ZNF107: variants seen among roughly 807,000 people sequenced by gnomAD.
The protein encoded by ZNF107 is zinc finger protein 107, also known as C2H2 type zinc-finger protein.
ZNF107 carries 19 observed loss-of-function variants against 12.3 expected under a neutral mutation model. That is an observed-to-expected ratio of 1.55 (90% CI 1.08 to 2.27). The LOEUF is 2.27. Ranked by LOEUF, ZNF107 falls within the 30% of genes most tolerant of loss-of-function variation. The probability of loss-of-function intolerance (pLI) is 0.00; values close to 1 mark genes in which losing one functional copy is unlikely to be tolerated. For synonymous variants in ZNF107, 317 were observed against 330.5 expected (o/e 0.96, Z 0.44); for missense variants, 958 against 979.9 (o/e 0.98, Z 0.30).
rs961303762 is a variant in ZNF107 at position 64,706,781 on chromosome 7, C to G, written c.684C>G (p.Pro228=). The G allele has an allele frequency of 1.4e-5, 23 of 1,613,374 alleles. No individual in the cohort carries two copies. Among genetic ancestry groups the G allele is most frequent in the Non-Finnish European group, 1.9e-5 (23 of 1,179,768 alleles). Residue 228 remains proline (P), a synonymous_variant, in exon 4 of 4, where the codon CCC becomes CCG. Transcript: ENST00000620827. ...KHKRIHTGEK[P]YKCEECGKAF... ...AGAGAATTCATACTGGAGAAAAGCC[C>G]TACAAATGTGAAGAATGTGGCAAAG...
intron 1 of ZNF107, among the ~76,000 whole-genome samples, chr7:64,681,837 G>T (rs114934577): frequency 0.011 from 1,614 of 152,056 alleles, 33 homozygotes; most frequent in African/African-American, 0.037. Flanking sequence ...CCATTCTATA[G>T]TGCCAAACCC....
intron 1 of ZNF107, among the ~76,000 whole-genome samples, chr7:64,685,040 G>A (rs1230102458): frequency 6.6e-6 from 1 of 152,072 alleles, no homozygotes; most frequent in African/African-American, 2.4e-5. Flanking sequence ...GAAGGAAAAA[G>A]CCCCTTCTAA....
chr7:64,704,595 T>C (rs1175406461), intron 3 of ZNF107, among the ~76,000 whole-genome samples: 4 of 152,206 alleles, frequency 2.6e-5, no homozygotes, highest in Non-Finnish European at 5.9e-5. Flanking sequence ...CATCATGTTA[T>C]TTTCAGTGGA....
At chr7:64,671,726 C>T (rs549841096) in intron 1 of ZNF107, among the ~76,000 whole-genome samples, 4 of 151,070 alleles carry the variant, frequency 2.6e-5, no homozygotes. Context: ...ATTATTTTAT[C>T]GCTGAGATAC....
chr7:64,677,745 G>C (rs1014740640), intron 1 of ZNF107, among the ~76,000 whole-genome samples: 1 of 150,818 alleles, frequency 6.6e-6, no homozygotes, highest in Admixed American at 6.6e-5. Context: ...CCAGCTACTT[G>C]GGAGGCTGAG....
intron 3 of ZNF107, among the ~76,000 whole-genome samples, chr7:64,694,653 C>T (rs1351906708): frequency 6.6e-6 from 1 of 152,070 alleles, no homozygotes; most frequent in Non-Finnish European, 1.5e-5. Flanking sequence ...AGGTGTGATA[C>T]ATGATGCCTG....
chr7:64,679,071 T>A, intron 1 of ZNF107: 1 of 186,218 alleles, frequency 5.4e-6, no homozygotes, highest in Non-Finnish European at 1.0e-5. Flanking sequence ...TGGTGTAGTC[T>A]GGATTGAAGA....
chr7:64,668,829 C>G (rs1298553073), intron 1 of ZNF107, among the ~76,000 whole-genome samples: 1 of 151,822 alleles, frequency 6.6e-6, no homozygotes, highest in Non-Finnish European at 1.5e-5. Flanking sequence ...AACCTCTCTT[C>G]CATTTTGACT....
At chr7:64,687,293 T>C (rs770646427) in intron 1 of ZNF107, 24 of 985,432 alleles carry the variant, frequency 2.4e-5, no homozygotes, top group Non-Finnish European at 2.9e-5. Flanking sequence ...GTGATTTCCA[T>C]GTCACCATTA....
Position 64,709,462 on chromosome 7 carries a change from G to T in ZNF107, c.*806G>T. The T allele has an allele frequency of 5.8e-6, 2 of 345,364 alleles. No individual in the cohort carries two copies. The highest frequency in any genetic ancestry group is 2.3e-5 in the South Asian group (1 of 44,250). 21.4% of individuals were successfully genotyped at this position (345,364 alleles called of 1,614,324 possible). On this transcript the variant is annotated 3_prime_UTR_variant, in exon 4 of 4. Transcript: ENST00000620827. ...ATAATACTGAAAACTTTACAAACCT[G>T]AATGATGTGACAATAATTTTGACAA...
intron 3 of ZNF107, among the ~76,000 whole-genome samples, chr7:64,705,503 G>A (rs1050721410): frequency 2.0e-5 from 3 of 151,540 alleles, no homozygotes; most frequent in African/African-American, 7.3e-5. Context: ...AATTTTTGTG[G>A]GGCTGTATTG....
intron 1 of ZNF107, chr7:64,690,634 C>A: frequency 1.4e-6 from 1 of 700,106 alleles, no homozygotes; most frequent in Non-Finnish European, 1.8e-6. Flanking sequence ...AGTAGTTTCC[C>A]ACAAGTCACA....
intron 1 of ZNF107, among the ~76,000 whole-genome samples, chr7:64,674,124 GTT>G (rs72574121): frequency 4.1e-5 from 6 of 147,082 alleles, no homozygotes; most frequent in Non-Finnish European, 6.0e-5. Context: ...TAAAATAGGT[GTT>G]TTTTTTTTTT....
In ZNF107 at chr7:64,707,588, T is replaced by A. The variant is rs1001796830; in HGVS notation, c.1491T>A (p.Thr497=). 2.5e-6 allele frequency: 4 copies of A among 1,612,888 alleles called. No homozygotes were observed. The African/African-American group carries it at 5.3e-5, about 22-fold the overall frequency. Residue 497 remains threonine (T), a synonymous_variant, in exon 4 of 4, where the codon ACT becomes ACA. Transcript: ENST00000620827. The part of the protein sequence containing the change: ...GKAFNRSSTL[T]RHKKIHTGEK... ...CTTTTAATCGATCCTCAACCCTTAC[T>A]AGACATAAGAAAATTCATACTGGAG...
chr7:64,667,435 TC>T (rs775675995), intron 1 of ZNF107, among the ~76,000 whole-genome samples: 1 of 149,740 alleles, frequency 6.7e-6, no homozygotes, highest in Non-Finnish European at 1.5e-5. Context: ...TAAAAAAAAG[TC>T]TGTGCCTATT....
intron 3 of ZNF107, among the ~76,000 whole-genome samples, chr7:64,701,354 C>T (rs889516141): frequency 2.0e-5 from 3 of 151,968 alleles, no homozygotes; most frequent in African/African-American, 7.3e-5. Context: ...CCCCTGCCTC[C>T]CAGGTTCACG....
At chr7:64,685,847 G>A (rs867847902) in intron 1 of ZNF107, among the ~76,000 whole-genome samples, 3 of 152,064 alleles carry the variant, frequency 2.0e-5, no homozygotes, top group African/African-American at 4.8e-5. Context: ...ATTGCCCCTG[G>A]AAACCAAACC....
rs2128969115 is a variant in ZNF107 at position 64,707,512 on chromosome 7, G to A, written c.1415G>A (p.Arg472Lys). 1 of 1,606,666 alleles carries A rather than the reference G, an allele frequency of 6.2e-7. No homozygotes were observed. The highest frequency in any genetic ancestry group is 8.5e-7 in the Non-Finnish European group (1 of 1,177,498). The change falls in exon 4 of 4, where the codon AGG becomes AAG. Residue 472 changes from arginine (R) to lysine (K), a missense_variant. Physicochemically the swap from Arg to Lys is conservative, Grantham distance 26. Coordinates refer to ENST00000620827, the MANE Select transcript of ZNF107 (RefSeq NM_001282359.2). The stretch of plus-strand genomic sequence containing the variant: ...CAACACTCAAACCTAATTAACCATA[G>A]GAAAATTTATTCTGGAGAGAAACCA... Reference protein sequence around the residue: ...FNQHSNLINHRKIYSGEKPYK... With the variant: ...FNQHSNLINHKKIYSGEKPYK...
Position 64,710,301 on chromosome 7 carries a change from A to T in ZNF107, c.*1645A>T, listed in dbSNP as rs950541031. 3.9e-5 allele frequency: 6 copies of T among 152,102 alleles called. No homozygotes were observed. Among genetic ancestry groups the T allele is most frequent in the African/African-American group, 7.2e-5 (3 of 41,446 alleles). 9.4% of individuals were successfully genotyped at this position (152,102 alleles called of 1,614,324 possible). ...CAACACCAGAAAATTTATATTGGAGAAAAGCACTGTAAATGTAATGCATTT... is the reference window on the plus strand; with the variant it reads ...CAACACCAGAAAATTTATATTGGAGTAAAGCACTGTAAATGTAATGCATTT... On this transcript the variant is annotated 3_prime_UTR_variant, in exon 4 of 4. Coordinates refer to ENST00000620827, the MANE Select transcript of ZNF107 (RefSeq NM_001282359.2).
Sources: gnomAD v4.1 joint callset for allele counts (sites outside exome capture counted in the v4.1 genomes callset) on GRCh38, gnomAD v4.1.1 for gene constraint, MANE v1.5 for transcripts, NCBI Gene and HGNC (gene_info 2026-07-23, HGNC 2026-07-21) for gene names.